OSR1: variants seen among roughly 807,000 people sequenced by gnomAD.
The protein encoded by OSR1 is odd-skipped related transcription factor 1.
OSR1 carries 3 observed loss-of-function variants against 15.7 expected under a neutral mutation model. The observed-to-expected ratio is 0.19, with a 90% CI of 0.09 to 0.50. OSR1 has a LOEUF of 0.50. Ranked by LOEUF, OSR1 falls within the 20% of genes least tolerant of loss-of-function variation. The pLI is 0.97. For missense variants in OSR1, 271 were observed against 351.1 expected (o/e 0.77, Z 1.82); for synonymous variants, 166 against 152.7 (o/e 1.09, Z -0.64).
rs1664891010 is a variant in OSR1, at chr2:19,353,713, G to A, written c.93C>T (p.Pro31=). The A allele has an allele frequency of 6.2e-7, 1 of 1,614,022 alleles. No homozygotes were observed. Among genetic ancestry groups the A allele is most frequent in the African/African-American group, 1.3e-5 (1 of 74,956 alleles). ...TGGGCAGATGGTCCGAAGGCACTGT[G>A]GGCAGGCCGTTCACTGCCTGAAGGA... is the stretch of plus-strand genomic sequence containing the variant. ...YSFLQAVNGL[P]TVPSDHLPNL... Residue 31 remains proline (P), a synonymous_variant, in exon 2 of 3, where the codon CCC becomes CCT. Coordinates refer to ENST00000272223, the MANE Select transcript of OSR1 (RefSeq NM_145260.3).
rs1237528546 is a variant in OSR1, at chr2:19,357,498, C to T, written c.-33+843G>A. 6.6e-6 allele frequency among the ~76,000 whole-genome samples: 1 copy of T among 152,158 alleles called. No homozygotes were observed. The highest frequency in any genetic ancestry group is 1.5e-5 in the Non-Finnish European group (1 of 68,030). On this transcript the variant is annotated intron_variant, in intron 1 of 2. Transcript: ENST00000272223. This position sits in a 1 kb window ranked among gnomAD's most constrained non-coding sequence, Gnocchi z 5.0. Reference sequence around the variant, plus strand: ...AGGAGAAATTAGTTCAGCAGGCAGCCCTTCACCCCTTTCCCCCTTCTTTCT... The same window carrying T: ...AGGAGAAATTAGTTCAGCAGGCAGCTCTTCACCCCTTTCCCCCTTCTTTCT...
Position 19,353,461 on chromosome 2 carries a change from C to T in OSR1, c.345G>A (p.Pro115=), listed in dbSNP as rs45587636. The T allele has an allele frequency of 1.9e-6, 3 of 1,613,972 alleles. No individual in the cohort carries two copies. Among genetic ancestry groups the T allele is most frequent in the South Asian group, 1.1e-5 (1 of 91,080 alleles). The change falls in exon 2 of 3, where the codon CCG becomes CCA. Residue 115 remains proline, a synonymous_variant. Coordinates refer to ENST00000272223, the MANE Select transcript of OSR1 (RefSeq NM_145260.3). The stretch of plus-strand genomic sequence containing the variant: ...AGGCCAGGTTGGCAAAATCAAAGCG[C>T]GGCTTGGTCTTGAGCGCTGGAACGC... ...GGSVPALKTK[P]RFDFANLALA... is the part of the protein sequence containing the mutation.
chr2:19,347,153 C>T (rs1051856938), downstream of OSR1, among the ~76,000 whole-genome samples: 2 of 152,128 alleles, frequency 1.3e-5, no homozygotes, highest in African/African-American at 4.8e-5. Flanking sequence ...GGTGGTATCT[C>T]CTGGGAATAC....
At chr2:19,355,573 G>A (rs1407329551) in intron 1 of OSR1, 1 of 152,296 alleles carries the variant, frequency 6.6e-6, no homozygotes, top group Non-Finnish European at 1.5e-5. Flanking sequence ...TGTGTGGTGG[G>A]ACCTAAGGAA....
In OSR1 at chr2:19,353,121, C is replaced by G. The variant is rs566509983; in HGVS notation, c.665+20G>C. 1.9e-6 allele frequency: 3 copies of G among 1,610,346 alleles called. No individual in the cohort carries two copies. The highest frequency in any genetic ancestry group is 2.2e-5 in the East Asian group (1 of 44,828). ...GCCAGAGGCAGAGAGCTCTCTCTTGCGCCACCCGCAGTGCCGCACCTGTGG... is the reference window on the plus strand; with the variant it reads ...GCCAGAGGCAGAGAGCTCTCTCTTGGGCCACCCGCAGTGCCGCACCTGTGG... On this transcript the variant is annotated intron_variant, in intron 2 of 2. Transcript: ENST00000272223.
At chr2:19,346,317 G>A in the OSR1 span, among the ~76,000 whole-genome samples, 1 of 152,172 alleles carries the variant, frequency 6.6e-6, no homozygotes, top group Non-Finnish European at 1.5e-5. Context: ...TCTGGAGCTG[G>A]AACTAGACTT....
downstream of OSR1, among the ~76,000 whole-genome samples, chr2:19,351,090 G>T: frequency 6.6e-6 from 1 of 152,126 alleles, no homozygotes; most frequent in East Asian, 1.9e-4. Context: ...GTTAGGGTGG[G>T]GAAAGACATT....
At position 19,358,503 on chromosome 2, in the gene OSR1, C is replaced by A. The variant is rs2103365909; in HGVS notation, c.-195G>T. 1 of 152,420 alleles carries A rather than the reference C, an allele frequency of 6.6e-6. No individual in the cohort carries two copies. Among genetic ancestry groups the A allele is most frequent in the South Asian group, 2.1e-4 (1 of 4,830 alleles). 9.4% of individuals were successfully genotyped at this position (152,420 alleles called of 1,614,324 possible). Reference sequence around the variant, plus strand: ...CAAGCGCCGGACACGCGGGAGCGAGCGCTCAGCAGCCCCGGATCCTGCACG... The same window carrying A: ...CAAGCGCCGGACACGCGGGAGCGAGAGCTCAGCAGCCCCGGATCCTGCACG... On this transcript the variant is annotated 5_prime_UTR_variant, in exon 1 of 3. Transcript: ENST00000272223.
At chr2:19,347,278 T>C (rs566803956), downstream of OSR1, among the ~76,000 whole-genome samples, 1 of 152,132 alleles carries the variant, frequency 6.6e-6, no homozygotes, top group Admixed American at 6.5e-5. Flanking sequence ...CACATTAGGG[T>C]AGTTTTTGGT....
At position 19,352,243 on chromosome 2, in the gene OSR1, G is replaced by C; in HGVS notation, c.*32C>G. 1.9e-6 allele frequency: 3 copies of C among 1,612,032 alleles called. No homozygotes were observed. The highest frequency in any genetic ancestry group is 2.5e-6 in the Non-Finnish European group (3 of 1,178,606). ...GTCCCTATGGAGGAGAGGGCCGCTG[G>C]GCCTAGGGTCCTTGTGACCCACAGG... On this transcript the variant is annotated 3_prime_UTR_variant, in exon 3 of 3. Transcript: ENST00000272223.
downstream of OSR1, among the ~76,000 whole-genome samples, chr2:19,348,009 G>C (rs564788875): frequency 3.9e-5 from 6 of 152,362 alleles, no homozygotes; most frequent in African/African-American, 7.2e-5. Flanking sequence ...TCCGGACTCC[G>C]GCACCAGCAG....
Position 19,352,559 on chromosome 2 carries a change from T to C in OSR1, c.666-149A>G, listed in dbSNP as rs897858482. 3.1e-6 allele frequency: 3 copies of C among 968,404 alleles called. No individual in the cohort carries two copies. The Admixed American group carries it at 6.8e-5, about 22-fold the overall frequency. 60.0% of individuals were successfully genotyped at this position (968,404 alleles called of 1,614,324 possible). A position where few individuals can be genotyped will look rare whatever the true frequency, so the allele number is the denominator to read the frequency against. On this transcript the variant is annotated intron_variant, in intron 2 of 2. Coordinates refer to ENST00000272223, the MANE Select transcript of OSR1 (RefSeq NM_145260.3). ...AAGTGTGGATGGGACAAAATGTTAA[T>C]TGGGGATGGAGTGGGGAGGTAAAGG...
downstream of OSR1, among the ~76,000 whole-genome samples, chr2:19,348,229 C>G (rs1317800985): frequency 6.6e-6 from 1 of 152,126 alleles, no homozygotes; most frequent in East Asian, 1.9e-4. Flanking sequence ...GCCCTTCACT[C>G]AGGACAGCTG....
At position 19,358,564 on chromosome 2, in the gene OSR1, T is replaced by C. The variant is rs973845096; in HGVS notation, c.-256A>G. Reference sequence around the variant, plus strand: ...TGAGCCTCGCTCGCGGCTCCCTCGCTGGGTCTGAACCAGGAGCAGCTGAGA... The same window carrying C: ...TGAGCCTCGCTCGCGGCTCCCTCGCCGGGTCTGAACCAGGAGCAGCTGAGA... On this transcript the variant is annotated 5_prime_UTR_variant, in exon 1 of 3. Transcript: ENST00000272223. 2.0e-5 allele frequency: 3 copies of C among 152,242 alleles called. No homozygotes were observed. Among genetic ancestry groups the C allele is most frequent in the Non-Finnish European group, 4.4e-5 (3 of 68,084 alleles). The allele number at this position is 152,242 out of a possible 1,614,324, so 9.4% of individuals were successfully genotyped here. A position where few individuals can be genotyped will look rare whatever the true frequency, so the allele number is the denominator to read the frequency against.
At chr2:19,345,191 T>G in the OSR1 span, among the ~76,000 whole-genome samples, 1 of 152,236 alleles carries the variant, frequency 6.6e-6, no homozygotes, top group Non-Finnish European at 1.5e-5. Flanking sequence ...ACATTAAAGA[T>G]TCTGGATATT....
downstream of OSR1, among the ~76,000 whole-genome samples, chr2:19,348,729 G>C (rs879565292): frequency 5.3e-5 from 8 of 152,056 alleles, no homozygotes; most frequent in Admixed American, 2.0e-4. Context: ...CTGGAAATAG[G>C]GGGTAGAACC....
intron 1 of OSR1, chr2:19,354,085 C>T (rs992085873): frequency 9.0e-6 from 4 of 444,156 alleles, no homozygotes; most frequent in African/African-American, 5.8e-5. Flanking sequence ...CTGGCAGAGC[C>T]ACACAACTTG....
intron 2 of OSR1, 59 bp downstream of exon 2, chr2:19,353,082 A>G: frequency 6.3e-7 from 1 of 1,576,350 alleles, no homozygotes; most frequent in Non-Finnish European, 8.6e-7. Context: ...CTCGTTAGGG[A>G]GAAAGATGGT....
Position 19,351,678 on chromosome 2 carries a change from T to G in OSR1, c.*597A>C, listed in dbSNP as rs1558358828. 6.6e-6 allele frequency: 1 copy of G among 152,496 alleles called. No individual in the cohort carries two copies. Among genetic ancestry groups the G allele is most frequent in the South Asian group, 2.1e-4 (1 of 4,814 alleles). The allele number at this position is 152,496 out of a possible 1,614,324, so 9.4% of individuals were successfully genotyped here. On this transcript the variant is annotated 3_prime_UTR_variant, in exon 3 of 3. Coordinates refer to ENST00000272223, the MANE Select transcript of OSR1 (RefSeq NM_145260.3). ...CCCAGGCCCGAGGTCCCCGTCCCGC[T>G]CTCCTAGTCCCGGAGCCCACGGCCG... is the stretch of plus-strand genomic sequence containing the variant.
Sources: gnomAD v4.1 joint callset for allele counts (sites outside exome capture counted in the v4.1 genomes callset) on GRCh38, gnomAD v4.1.1 for gene constraint, Gnocchi (gnomAD v3.1) non-coding constraint, MANE v1.5 for transcripts, NCBI Gene and HGNC (gene_info 2026-07-23, HGNC 2026-07-21) for gene names.